FGGY: variants seen among roughly 807,000 people sequenced by gnomAD.
FGGY encodes the protein FGGY carbohydrate kinase domain-containing protein.
FGGY carries 72 observed loss-of-function variants against 71.3 expected under a neutral mutation model. The observed-to-expected ratio is 1.01, with a 90% CI of 0.84 to 1.23. The LOEUF (loss-of-function observed/expected upper bound fraction) is 1.23. Ranked by LOEUF, FGGY falls within the 50% of genes most tolerant of loss-of-function variation. The pLI is 0.00. For synonymous variants in FGGY, 251 were observed against 250.3 expected (o/e 1.00, Z -0.02); for missense variants, 668 against 682.3 (o/e 0.98, Z 0.23).
At chr1:59,388,027 T>C (rs1452415810) in intron 5 of FGGY, among the ~76,000 whole-genome samples, 1 of 152,158 alleles carries the variant, frequency 6.6e-6, no homozygotes, top group East Asian at 1.9e-4. Context: ...TGTCTTATTA[T>C]CTCAGAAAAT....
chr1:59,586,677 C>T (rs116241649), intron 8 of FGGY, among the ~76,000 whole-genome samples: 8,084 of 152,018 alleles, frequency 0.053, 424 homozygotes, highest in African/African-American at 0.14. Flanking sequence ...TAAAAGACCA[C>T]GTGAAATGAG....
chr1:59,757,802 G>GAA, intron 14 of FGGY, 129 bp from the exon 15 acceptor site: 1 of 598,684 alleles, frequency 1.7e-6, no homozygotes. Flanking sequence ...AAAGTAAGTT[G>GAA]AAAAAAAAGA....
chr1:59,668,091 C>T (rs999248724), intron 13 of FGGY, among the ~76,000 whole-genome samples: 1 of 152,142 alleles, frequency 6.6e-6, no homozygotes, highest in Non-Finnish European at 1.5e-5. Context: ...AATAGAGATG[C>T]AGGGAATCAC....
intron 12 of FGGY, among the ~76,000 whole-genome samples, chr1:59,661,376 A>G (rs1572816013): frequency 6.6e-6 from 1 of 152,354 alleles, no homozygotes; most frequent in East Asian, 1.9e-4. Flanking sequence ...TAATGCAACT[A>G]CATAGAAGTA....
At chr1:59,314,885 T>G (rs954452946) in intron 1 of FGGY, among the ~76,000 whole-genome samples, 1 of 152,226 alleles carries the variant, frequency 6.6e-6, no homozygotes, top group Non-Finnish European at 1.5e-5. Context: ...GCACTCCGTC[T>G]TGGAGCTTCT....
At chr1:59,543,840 C>T (rs1168436425) in intron 7 of FGGY, among the ~76,000 whole-genome samples, 1 of 152,096 alleles carries the variant, frequency 6.6e-6, no homozygotes, top group East Asian at 1.9e-4. Flanking sequence ...GATTACTTTC[C>T]CTACCTTCAA....
chr1:59,612,210 T>G (rs2096691238), intron 9 of FGGY, among the ~76,000 whole-genome samples: 2 of 152,008 alleles, frequency 1.3e-5, no homozygotes, highest in Admixed American at 1.3e-4. Context: ...TCACCAAAGT[T>G]GAAATGAAGG....
intron 14 of FGGY, among the ~76,000 whole-genome samples, chr1:59,724,303 C>T (rs926778569): frequency 8.2e-5 from 12 of 147,116 alleles, no homozygotes; most frequent in Non-Finnish European, 1.2e-4. Context: ...ACAGTGTAAC[C>T]TTGTCTACTA....
chr1:59,296,679 T>C (rs2041996991), upstream of FGGY: 1 of 143,530 alleles, frequency 7.0e-6, no homozygotes, highest in Non-Finnish European at 1.5e-5. Context: ...GGGCCGCGCT[T>C]TACAGGGGCC....
chr1:59,533,102 A>C (rs1357230757), intron 7 of FGGY, among the ~76,000 whole-genome samples: 2 of 151,804 alleles, frequency 1.3e-5, no homozygotes, highest in Admixed American at 1.3e-4. Context: ...TACGGGGTTC[A>C]TCTCACTAGG....
intron 14 of FGGY, among the ~76,000 whole-genome samples, chr1:59,701,193 C>T (rs947417674): frequency 6.6e-6 from 1 of 152,062 alleles, no homozygotes; most frequent in African/African-American, 2.4e-5. Flanking sequence ...CCATATATAC[C>T]CATAGCCCCA....
At chr1:59,502,156 G>T (rs1229648279) in intron 6 of FGGY, among the ~76,000 whole-genome samples, 1 of 152,184 alleles carries the variant, frequency 6.6e-6, no homozygotes, top group African/African-American at 2.4e-5. Flanking sequence ...GAGTGATAAA[G>T]CCACCACCAT....
chr1:59,683,798 A>G (rs1253817975), intron 14 of FGGY, among the ~76,000 whole-genome samples: 1 of 152,276 alleles, frequency 6.6e-6, no homozygotes, highest in Non-Finnish European at 1.5e-5. Flanking sequence ...TGGTTTAAGT[A>G]GGGCAAATTA....
intron 6 of FGGY, among the ~76,000 whole-genome samples, chr1:59,501,321 C>A (rs891373282): frequency 1.5e-4 from 23 of 151,986 alleles, no homozygotes; most frequent in African/African-American, 5.6e-4. Context: ...AATAAATCCT[C>A]ATTGTAAGAT....
intron 5 of FGGY, among the ~76,000 whole-genome samples, chr1:59,421,507 CTCCCTCTCTCCTTTT>C (rs2065425545): frequency 6.9e-6 from 1 of 145,048 alleles, no homozygotes; most frequent in Non-Finnish European, 1.5e-5. Flanking sequence ...CTCCCCCTCT[CTCCCTCTCTCCTTTT>C]CTCCTTCCCT....
intron 8 of FGGY, among the ~76,000 whole-genome samples, chr1:59,586,281 C>T (rs1268880948): frequency 6.6e-6 from 1 of 152,140 alleles, no homozygotes; most frequent in Non-Finnish European, 1.5e-5. Context: ...CAATGATAGA[C>T]TGGATTAAGA....
At chr1:59,441,795 C>A (rs1279567864) in intron 5 of FGGY, among the ~76,000 whole-genome samples, 2 of 152,170 alleles carry the variant, frequency 1.3e-5, no homozygotes, top group African/African-American at 2.4e-5. Flanking sequence ...GTAATGCCTT[C>A]TTCATAGCAG....
intron 7 of FGGY, among the ~76,000 whole-genome samples, chr1:59,530,975 G>A (rs1054879523): frequency 3.3e-5 from 5 of 152,172 alleles, no homozygotes; most frequent in African/African-American, 1.2e-4. Flanking sequence ...GCAGTTCCAA[G>A]GCAGTATCAA....
At chr1:59,396,461 A>G (rs1370931949) in intron 5 of FGGY, among the ~76,000 whole-genome samples, 2 of 152,198 alleles carry the variant, frequency 1.3e-5, no homozygotes, top group East Asian at 3.9e-4. Flanking sequence ...TACCTCCTCC[A>G]TTCAGCCCTG....
Sources: allele counts gnomAD v4.1 joint callset (sites outside exome capture counted in the v4.1 genomes callset), GRCh38; gene constraint gnomAD v4.1.1; transcripts MANE v1.5; gene names NCBI Gene and HGNC (gene_info 2026-07-23, HGNC 2026-07-21).